SPECC1: variants seen among roughly 807,000 people sequenced by gnomAD.
SPECC1 encodes the protein cytospin-B.
A neutral mutation model predicts 104.1 loss-of-function variants in SPECC1; 62 were observed. The ratio of observed to expected loss-of-function variants is 0.60; its 90% CI spans 0.49 to 0.74. The LOEUF (loss-of-function observed/expected upper bound fraction) is 0.74, where lower values mean the gene tolerates loss of function less well. Among genes scored for constraint, SPECC1 ranks in the 30% least tolerant of loss-of-function variants. The probability of loss-of-function intolerance (pLI) is 0.00; values close to 1 mark genes in which losing one functional copy is unlikely to be tolerated. For missense variants in SPECC1, 1,306 were observed against 1,310.5 expected (o/e 1.00, Z 0.05); for synonymous variants, 513 against 501.6 (o/e 1.02, Z -0.30).
intron 1 of SPECC1, among the ~76,000 whole-genome samples, chr17:20,012,921 T>TG (rs1233457741): frequency 6.6e-6 from 1 of 152,206 alleles, no homozygotes; most frequent in Admixed American, 6.5e-5. Context: ...TTAGGTACCT[T>TG]GCATGAGTAT....
At chr17:20,282,229 T>C (rs762298469) in intron 12 of SPECC1, among the ~76,000 whole-genome samples, 2 of 152,146 alleles carry the variant, frequency 1.3e-5, no homozygotes, top group Non-Finnish European at 2.9e-5. Flanking sequence ...GAGATGTGTA[T>C]CTTCTGTGAT....
rs374030971 is a variant in SPECC1, at chr17:20,071,487, C to T, written c.-21-25144C>T. On this transcript the variant is annotated intron_variant, in intron 1 of 14. Coordinates refer to ENST00000395527, the MANE Select transcript of SPECC1 (RefSeq NM_001243439.2). ...TTATTCTACCAGATGAATTTCAGGA[C>T]AATTTTATAAATAATTTTCTTCATA... is the stretch of plus-strand genomic sequence containing the variant. 1.3e-4 allele frequency among the ~76,000 whole-genome samples: 20 copies of T among 152,180 alleles called. No homozygotes were observed. In the South Asian group the frequency reaches 4.1e-3, roughly 32 times the overall value.
At position 20,015,584 on chromosome 17, in the gene SPECC1, A is replaced by ATTTTTTTTT. The variant is rs1222758913; in HGVS notation, c.-22+6170_-22+6178dup. On this transcript the variant is annotated intron_variant, in intron 1 of 14. Coordinates refer to ENST00000395527, the MANE Select transcript of SPECC1 (RefSeq NM_001243439.2). ...CATATTTTTAACTTTCCGGGTCTCT[A>ATTTTTTTTT]TTTTTTTTTTTTTTTTTTGAGGTGG... 6.4e-3 allele frequency among the ~76,000 whole-genome samples: 653 copies of ATTTTTTTTT among 101,964 alleles called. 30 individuals are homozygous for ATTTTTTTTT. The highest frequency in any genetic ancestry group is 8.2e-3 in the Non-Finnish European group (413 of 50,100). 66.9% of individuals were successfully genotyped at this position (101,964 alleles called of 152,430 possible).
intron 2 of SPECC1, among the ~76,000 whole-genome samples, chr17:20,107,416 C>T (rs2048275461): frequency 6.6e-6 from 1 of 150,924 alleles, no homozygotes; most frequent in Non-Finnish European, 1.5e-5. Context: ...CAAGACCAGC[C>T]TGGGCAACAT....
intron 4 of SPECC1, among the ~76,000 whole-genome samples, chr17:20,223,481 C>T (rs2038015919): frequency 6.6e-6 from 1 of 152,042 alleles, no homozygotes; most frequent in Non-Finnish European, 1.5e-5. Flanking sequence ...TGAGACCAGC[C>T]TGACCAACAT....
chr17:20,304,014 G>T (rs2041678094), intron 13 of SPECC1, among the ~76,000 whole-genome samples: 1 of 147,760 alleles, frequency 6.8e-6, no homozygotes, highest in Non-Finnish European at 1.5e-5. Flanking sequence ...GCTCACACCT[G>T]TAATCCCAGC....
At chr17:20,221,329 T>C (rs76232395) in intron 4 of SPECC1, among the ~76,000 whole-genome samples, 1 of 152,180 alleles carries the variant, frequency 6.6e-6, no homozygotes, top group African/African-American at 2.4e-5. Flanking sequence ...TTCTGGCTTT[T>C]ATCTCGTTAC....
chr17:20,075,985 C>T (rs1002668666), intron 1 of SPECC1, among the ~76,000 whole-genome samples: 40 of 152,034 alleles, frequency 2.6e-4, no homozygotes, highest in African/African-American at 9.2e-4. Context: ...AAATAATTAG[C>T]CAGGTGTGGT....
At chr17:20,044,434 C>T (rs1055391310) in intron 1 of SPECC1, among the ~76,000 whole-genome samples, 13 of 152,142 alleles carry the variant, frequency 8.5e-5, no homozygotes, top group Admixed American at 6.5e-4. Context: ...TCTTCTTTTG[C>T]TGACTCTGCT....
intron 1 of SPECC1, among the ~76,000 whole-genome samples, chr17:20,084,290 A>T (rs1303053851): frequency 6.6e-6 from 1 of 152,094 alleles, no homozygotes; most frequent in Non-Finnish European, 1.5e-5. Flanking sequence ...TTAGTCGGGC[A>T]CAGTGGAGGG....
intron 3 of SPECC1, among the ~76,000 whole-genome samples, chr17:20,182,119 C>CTTTTTTTTT (rs57991209): frequency 0.028 from 3,819 of 136,524 alleles, 284 homozygotes; most frequent in African/African-American, 0.099. Context: ...CTTTCTTTTT[C>CTTTTTTTTT]TTTTTTTTTT....
rs761836554 is a variant in SPECC1, at chr17:20,246,010, AC to A, written c.2441del (p.Pro814GlnfsTer36). 10 of 1,613,688 alleles carry A rather than the reference AC, an allele frequency of 6.2e-6. No homozygotes were observed. In the South Asian group the frequency reaches 1.1e-4, roughly 18 times the overall value. ...GVCVSRTSPTPPESATTVKSL... is the reference protein window; with the variant it reads ...GVCVSRTSPTXPESATTVKSL... Reference sequence around the variant, plus strand: ...TCTGTGTTAGCAGAACATCTCCAACACCCCCAGAGTCGGCAACCACCGTTAA... The same window carrying A: ...TCTGTGTTAGCAGAACATCTCCAACACCCCAGAGTCGGCAACCACCGTTAA... On this transcript the variant is annotated frameshift_variant, in exon 8 of 15. Coordinates refer to ENST00000395527, the MANE Select transcript of SPECC1 (RefSeq NM_001243439.2). LOFTEE classifies it high-confidence loss of function.
At chr17:20,297,101 G>GGC in intron 13 of SPECC1, 24 bp downstream of exon 13, 1 of 1,601,032 alleles carries the variant, frequency 6.2e-7, no homozygotes, top group Non-Finnish European at 8.6e-7. Flanking sequence ...CTGTCACCTT[G>GGC]GTTATCCTCT....
At chr17:20,151,218 A>G (rs2031975817) in intron 3 of SPECC1, among the ~76,000 whole-genome samples, 1 of 152,144 alleles carries the variant, frequency 6.6e-6, no homozygotes, top group African/African-American at 2.4e-5. Flanking sequence ...CAAAAGCTAT[A>G]CTGTACTTCA....
chr17:20,305,699 TATAGC>T (rs1212051548), intron 13 of SPECC1: 2 of 247,028 alleles, frequency 8.1e-6, no homozygotes, highest in Non-Finnish European at 1.6e-5. Flanking sequence ...ATTTTTTTGA[TATAGC>T]ATCATGATTA....
At chr17:20,247,362 G>T (rs374193681) in intron 9 of SPECC1, 43 bp downstream of exon 9, 1 of 1,422,842 alleles carries the variant, frequency 7.0e-7, no homozygotes, top group African/African-American at 1.4e-5. Context: ...GGTTTGCTGT[G>T]TATCCCTCTA....
At chr17:20,270,821 C>T (rs1422127626) in intron 12 of SPECC1, among the ~76,000 whole-genome samples, 2 of 152,188 alleles carry the variant, frequency 1.3e-5, no homozygotes, top group African/African-American at 4.8e-5. Context: ...ATTTAGTTTA[C>T]ACTTCTCTAT....
intron 1 of SPECC1, among the ~76,000 whole-genome samples, chr17:20,047,363 T>A (rs1205171940): frequency 6.6e-6 from 1 of 152,210 alleles, no homozygotes; most frequent in Non-Finnish European, 1.5e-5. Context: ...GCATTATGGG[T>A]CACCCACTTC....
intron 1 of SPECC1, among the ~76,000 whole-genome samples, chr17:20,074,655 G>A (rs1353294708): frequency 1.3e-5 from 2 of 151,904 alleles, no homozygotes; most frequent in African/African-American, 4.8e-5. Context: ...GGCTGCTTCT[G>A]CTCCTTTACA....
Sources: gnomAD v4.1 joint callset for allele counts (sites outside exome capture counted in the v4.1 genomes callset) on GRCh38, gnomAD v4.1.1 for gene constraint, MANE v1.5 for transcripts, NCBI Gene and HGNC (gene_info 2026-07-23, HGNC 2026-07-21) for gene names.